The following MYLK3 variants were observed in gnomAD, a reference collection of about 807,000 sequenced individuals.
The protein encoded by MYLK3 is myosin light chain kinase 3, also known as MLC kinase.
In MYLK3, 55 loss-of-function variants were observed where a neutral mutation model predicts 76.3. The ratio of observed to expected loss-of-function variants is 0.72; its 90% CI spans 0.58 to 0.90. MYLK3 has a LOEUF of 0.90. MYLK3 is among the 40% of genes least tolerant of loss of function. MYLK3 has a pLI of 0.00. For synonymous variants in MYLK3, 416 were observed against 425.4 expected (o/e 0.98, Z 0.27); for missense variants, 973 against 1,053.6 (o/e 0.92, Z 1.06).
Position 46,703,840 on chromosome 16 carries a change from A to G in MYLK3, c.*3864T>C, listed in dbSNP as rs1484795291. The G allele has an allele frequency of 1.3e-5, 2 of 153,780 alleles. No individual in the cohort carries two copies. The highest frequency in any genetic ancestry group is 4.8e-5 in the African/African-American group (2 of 41,464). 9.5% of individuals were successfully genotyped at this position (153,780 alleles called of 1,614,324 possible). A position where few individuals can be genotyped will look rare whatever the true frequency, so the allele number is the denominator to read the frequency against. Reference sequence around the variant, plus strand: ...ATTCTCTCTAGATCTGCCCTGTCCAATATAGATGCCACTAACCACGTGTGG... The same window carrying G: ...ATTCTCTCTAGATCTGCCCTGTCCAGTATAGATGCCACTAACCACGTGTGG... On this transcript the variant is annotated 3_prime_UTR_variant, in exon 13 of 13. Coordinates refer to ENST00000394809, the MANE Select transcript of MYLK3 (RefSeq NM_182493.3).
chr16:46,730,568 C>T, intron 5 of MYLK3, 25 bp downstream of exon 5: 1 of 1,599,012 alleles, frequency 6.3e-7, no homozygotes, highest in Non-Finnish European at 8.6e-7. Context: ...TCTAAGCCCC[C>T]CAACCAAGGC....
At chr16:46,747,593 C>G (rs139441354) in intron 1 of MYLK3, 124 bp downstream of exon 1, 3 of 932,512 alleles carry the variant, frequency 3.2e-6, no homozygotes, top group East Asian at 4.8e-5. Flanking sequence ...CTCCTTTTCC[C>G]CATCAACAGG....
In MYLK3 at chr16:46,707,783, AAAAG is replaced by A. The variant is rs753598304; in HGVS notation, c.2401-24_2401-21del. ...ATGTTTCTTGAGGCAAGGAGAGAAT[AAAAG>A]AAAAGAAAAAGCATGTATTTTAGAC... On this transcript the variant is annotated intron_variant, in intron 12 of 12. Transcript: ENST00000394809. 6.3e-7 allele frequency: 1 copy of A among 1,581,834 alleles called. No homozygotes were observed. The highest frequency in any genetic ancestry group is 8.7e-7 in the Non-Finnish European group (1 of 1,154,322).
At chr16:46,709,358 G>A (rs1966658747) in intron 12 of MYLK3, among the ~76,000 whole-genome samples, 181 bp downstream of exon 12, 1 of 151,350 alleles carries the variant, frequency 6.6e-6, no homozygotes, top group South Asian at 2.1e-4. Flanking sequence ...GGAATTTAAG[G>A]TTACAGTGAA....
chr16:46,705,489 A>T lies in MYLK3; in HGVS notation c.*2215T>A, dbSNP rs1435274019. On this transcript the variant is annotated 3_prime_UTR_variant, in exon 13 of 13. Transcript: ENST00000394809. ...GGTTGCAGTGAGCCAAGAACACACC[A>T]GTGCACTCCAGCCTGGGTGACAGAG... 1.3e-5 allele frequency: 2 copies of T among 152,122 alleles called. No homozygotes were observed. The highest frequency in any genetic ancestry group is 1.3e-4 in the Admixed American group (2 of 15,280). 9.4% of individuals were successfully genotyped at this position (152,122 alleles called of 1,614,324 possible).
intron 3 of MYLK3, among the ~76,000 whole-genome samples, chr16:46,733,211 TA>T (rs1209610649): frequency 7.2e-5 from 11 of 151,842 alleles, no homozygotes; most frequent in Non-Finnish European, 1.0e-4. Context: ...AAAATAATTT[TA>T]AAAAACTTAG....
In MYLK3 at chr16:46,725,112, T is replaced by C. The variant is rs144335290; in HGVS notation, c.1914+2124A>G. On this transcript the variant is annotated intron_variant, in intron 8 of 12. Coordinates refer to ENST00000394809, the MANE Select transcript of MYLK3 (RefSeq NM_182493.3). ...ATTTACAGATTGTTCAGTCCCAGTA[T>C]TTAGAAATACAATTGATTTTTGTAT... Among the ~76,000 whole-genome samples, 362 of 152,336 alleles carry C rather than the reference T, an allele frequency of 2.4e-3. 1 individual carries two copies. The highest frequency in any genetic ancestry group is 4.2e-3 in the East Asian group (22 of 5,192).
rs111436080 is a variant in MYLK3 at position 46,702,687 on chromosome 16, C to T, written c.*5017G>A. Among the ~76,000 whole-genome samples, 5 of 152,134 alleles carry T rather than the reference C, an allele frequency of 3.3e-5. No individual in the cohort carries two copies. Among genetic ancestry groups the T allele is most frequent in the South Asian group, 2.1e-4 (1 of 4,826 alleles). ...CTGTAATCCCAGCACTTTGGGAGGC[C>T]GAGGTGGGCAGATCACGAGGTCAAG... On this transcript the variant is annotated 3_prime_UTR_variant, in exon 13 of 13. Coordinates refer to ENST00000394809, the MANE Select transcript of MYLK3 (RefSeq NM_182493.3).
rs368696288 is a variant in MYLK3, at chr16:46,748,223, G to A, written c.-30C>T. On this transcript the variant is annotated 5_prime_UTR_variant, in exon 1 of 13. Coordinates refer to ENST00000394809, the MANE Select transcript of MYLK3 (RefSeq NM_182493.3). The surrounding 1 kb of genome is among the most constrained non-coding windows in gnomAD (Gnocchi z 4.3). The stretch of plus-strand genomic sequence containing the variant: ...GTGCAGGCTTGACAAGGGCAAGAGC[G>A]GGGAATGAGGAGAGGCACAGACCCC... 70 of 1,590,578 alleles carry A rather than the reference G, an allele frequency of 4.4e-5. No individual in the cohort carries two copies. Among genetic ancestry groups the A allele is most frequent in the African/African-American group, 3.3e-4 (25 of 74,670 alleles).
chr16:46,737,867 G>A lies in MYLK3; in HGVS notation c.845C>T (p.Pro282Leu), dbSNP rs1250521128. ...NVVSPSLEVAPGAGQGASSSR... is the reference protein window; with the variant it reads ...NVVSPSLEVALGAGQGASSSR... ...GGACGATGCTCCTTGTCCTGCACCT[G>A]GTGCAACCTCCAGGCTCGGGGAGAC... The change falls in exon 3 of 13, where the codon CCA (proline) becomes CTA (leucine). Residue 282 changes from proline (P) to leucine (L), a missense_variant. Physicochemically the swap from Pro to Leu is moderately conservative, Grantham distance 98. Around this residue, in one of 2 missense-constraint regions of MYLK3, gnomAD observed 641 missense variants for 637.0 expected, o/e 1.01. Coordinates refer to ENST00000394809, the MANE Select transcript of MYLK3 (RefSeq NM_182493.3). 2.5e-6 allele frequency: 4 copies of A among 1,614,144 alleles called. No homozygotes were observed. The highest frequency in any genetic ancestry group is 3.4e-6 in the Non-Finnish European group (4 of 1,180,036).
chr16:46,747,704 A>G lies in MYLK3; in HGVS notation c.477+13T>C. On this transcript the variant is annotated intron_variant, in intron 1 of 12. Transcript: ENST00000394809. The stretch of plus-strand genomic sequence containing the variant: ...GCCTCCCATCCAGCCAGGGCAGGGA[A>G]GCAGGAACCAACCTCCTCAGGGCTG... The G allele has an allele frequency of 2.5e-6, 4 of 1,605,484 alleles. No individual in the cohort carries two copies. The highest frequency in any genetic ancestry group is 3.4e-6 in the Non-Finnish European group (4 of 1,174,432).
chr16:46,731,215 A>T (rs1190196457), intron 4 of MYLK3, among the ~76,000 whole-genome samples: 1 of 152,192 alleles, frequency 6.6e-6, no homozygotes. Flanking sequence ...CCCGTGATGG[A>T]GCCAGAGGGG....
chr16:46,754,965 C>T (rs1274640326), intron 1 of MYLK3, among the ~76,000 whole-genome samples: 3 of 150,504 alleles, frequency 2.0e-5, no homozygotes, highest in East Asian at 2.0e-4. Context: ...GGTGTGATCT[C>T]GGCTCACTGC....
rs147903366 is a variant in MYLK3 at position 46,732,356 on chromosome 16, G to A, written c.1314C>T (p.His438=). 4.6e-5 allele frequency: 74 copies of A among 1,613,476 alleles called. No homozygotes were observed. The highest frequency in any genetic ancestry group is 2.7e-4 in the East Asian group (12 of 44,874). ...PSLARSDDND[H]EVGALGLQQG... ...GCTGCAGGCCCAGGGCCCCAACCTC[G>A]TGGTCATTGTCGTCACTCCTGGCCA... The change falls in exon 4 of 13, where the codon CAC becomes CAT. Residue 438 remains histidine, a synonymous_variant. Transcript: ENST00000394809.
intron 1 of MYLK3, among the ~76,000 whole-genome samples, chr16:46,747,506 G>A (rs1267398018): frequency 6.6e-6 from 1 of 152,230 alleles, no homozygotes; most frequent in Non-Finnish European, 1.5e-5. Flanking sequence ...CCAGAGCCCC[G>A]CTTCTTCCCT....
In MYLK3 at chr16:46,707,615, A is replaced by G. The variant is rs1010229783; in HGVS notation, c.*89T>C. 5.5e-6 allele frequency: 5 copies of G among 916,910 alleles called. No homozygotes were observed. The African/African-American group carries it at 8.4e-5, about 15-fold the overall frequency. 56.8% of individuals were successfully genotyped at this position (916,910 alleles called of 1,614,324 possible). A position where few individuals can be genotyped will look rare whatever the true frequency, so the allele number is the denominator to read the frequency against. ...ATAAGTGGAATCAATAATACCAAAAAGCCAAATTATTTAAATGTTTGAGTC... is the reference window on the plus strand; with the variant it reads ...ATAAGTGGAATCAATAATACCAAAAGGCCAAATTATTTAAATGTTTGAGTC... On this transcript the variant is annotated 3_prime_UTR_variant, in exon 13 of 13. Transcript: ENST00000394809.
intron 9 of MYLK3, among the ~76,000 whole-genome samples, chr16:46,714,789 G>C (rs753060005): frequency 6.6e-6 from 1 of 152,122 alleles, no homozygotes; most frequent in Non-Finnish European, 1.5e-5. Context: ...TGAGAATGAG[G>C]GCACACGGAG....
At chr16:46,754,427 G>A (rs542035357) in intron 1 of MYLK3, among the ~76,000 whole-genome samples, 6 of 152,146 alleles carry the variant, frequency 3.9e-5, no homozygotes, top group African/African-American at 9.7e-5. Flanking sequence ...ACTGGATCAC[G>A]AGGTCCCTGA....
At chr16:46,757,643 C>T (rs1967217947) in intron 1 of MYLK3, 1 of 975,544 alleles carries the variant, frequency 1.0e-6, no homozygotes, top group Non-Finnish European at 1.2e-6. Flanking sequence ...CAGGCAGGAG[C>T]GATAAGCCTG....
Sources: gnomAD v4.1 joint callset for allele counts (sites outside exome capture counted in the v4.1 genomes callset) on GRCh38, gnomAD v4.1.1 for gene constraint, gnomAD v4.1.1 regional missense constraint, Gnocchi (gnomAD v3.1) non-coding constraint, MANE v1.5 for transcripts, NCBI Gene and HGNC (gene_info 2026-07-23, HGNC 2026-07-21) for gene names.